The following TACC1 variants were observed in gnomAD, a reference collection of about 807,000 sequenced individuals.
The protein encoded by TACC1 is transforming acidic coiled-coil containing protein 1, also known as transforming acidic coiled-coil-containing protein 1.
TACC1 carries 48 observed loss-of-function variants against 84.4 expected under a neutral mutation model. The ratio of observed to expected loss-of-function variants is 0.57; its 90% confidence interval spans 0.45 to 0.72. The LOEUF (loss-of-function observed/expected upper bound fraction) is 0.72. TACC1 is among the 30% of genes least tolerant of loss of function. The pLI is 0.00. For missense variants in TACC1, 920 were observed against 973.0 expected (o/e 0.95, Z 0.72); for synonymous variants, 372 against 376.3 (o/e 0.99, Z 0.13).
intron 2 of TACC1, among the ~76,000 whole-genome samples, chr8:38,790,279 C>T (rs1818332599): frequency 6.6e-6 from 1 of 152,182 alleles, no homozygotes; most frequent in Non-Finnish European, 1.5e-5. Flanking sequence ...TAGGGCCCAC[C>T]CTAATCCAGT....
rs1281997501 is a variant in TACC1, at chr8:38,819,735, C to T, written c.491C>T (p.Ala164Val). ...ACGAAGGATTCCACGGATATCTCGG[C>T]AGTCCTCGGAACAAAAGCAGCTCAT... Reference protein sequence around the residue: ...IETKDSTDISAVLGTKAAHGC... With the variant: ...IETKDSTDISVVLGTKAAHGC... The change falls in exon 3 of 13, where the codon GCA becomes GTA. Residue 164 changes from alanine to valine, a missense_variant. Transcript: ENST00000317827. 1.9e-6 allele frequency: 3 copies of T among 1,614,008 alleles called. No individual in the cohort carries two copies. The highest frequency in any genetic ancestry group is 2.5e-6 in the Non-Finnish European group (3 of 1,180,054).
At chr8:38,804,431 C>T (rs1822167220) in intron 2 of TACC1, among the ~76,000 whole-genome samples, 1 of 152,136 alleles carries the variant, frequency 6.6e-6, no homozygotes, top group South Asian at 2.1e-4. Context: ...TCCCAAGTAG[C>T]TGGGATTACA....
At chr8:38,785,227 C>A (rs1816905479), upstream of TACC1, among the ~76,000 whole-genome samples, 1 of 152,178 alleles carries the variant, frequency 6.6e-6, no homozygotes, top group Non-Finnish European at 1.5e-5. Context: ...GCAGTTGGTT[C>A]AAGCTAGGCA....
Position 38,787,478 on chromosome 8 carries a change from A to T in TACC1, c.-105A>T. On this transcript the variant is annotated 5_prime_UTR_variant, in exon 1 of 13. Coordinates refer to ENST00000317827, the MANE Select transcript of TACC1 (RefSeq NM_006283.3). ...AACCACATCCGCGCCTCTGCTGGAA[A>T]CGCTTGCTGGCGCCTGTCACCGGTT... 6 of 1,397,506 alleles carry T rather than the reference A, an allele frequency of 4.3e-6. No individual in the cohort carries two copies. Among genetic ancestry groups the T allele is most frequent in the Non-Finnish European group, 5.6e-6 (6 of 1,080,908 alleles). 86.6% of individuals were successfully genotyped at this position (1,397,506 alleles called of 1,614,324 possible).
intron 2 of TACC1, among the ~76,000 whole-genome samples, chr8:38,800,338 A>G (rs1309422742): frequency 6.6e-6 from 1 of 152,164 alleles, no homozygotes; most frequent in Non-Finnish European, 1.5e-5. Flanking sequence ...TTGTACAACT[A>G]TTATCTCAAT....
chr8:38,800,752 C>T lies in TACC1; in HGVS notation c.277+11933C>T, dbSNP rs924189013. Among the ~76,000 whole-genome samples the T allele has an allele frequency of 3.3e-5, 5 of 152,248 alleles. No homozygotes were observed. The South Asian group carries it at 6.2e-4, about 19-fold the overall frequency. ...ATCATGGATTTATGTTTTCATTTCT[C>T]GGGTATATAACTAGGAGTAGAATTG... is the stretch of plus-strand genomic sequence containing the variant. On this transcript the variant is annotated intron_variant, in intron 2 of 12. Coordinates refer to ENST00000317827, the MANE Select transcript of TACC1 (RefSeq NM_006283.3).
chr8:38,769,869 GGTGT>G (rs892594003), intron 3 of TACC1, among the ~76,000 whole-genome samples: 1 of 141,880 alleles, frequency 7.0e-6, no homozygotes, highest in African/African-American at 2.6e-5. Flanking sequence ...GTGACTATGT[GGTGT>G]GTGTGTGAGA....
chr8:38,787,798 C>A (rs1817631668), intron 1 of TACC1, 55 bp downstream of exon 1: 1 of 1,431,410 alleles, frequency 7.0e-7, no homozygotes, highest in Non-Finnish European at 9.2e-7. Context: ...CATCCATCTG[C>A]GACTCCCTCT....
At chr8:38,807,510 A>G (rs1408801259) in intron 2 of TACC1, among the ~76,000 whole-genome samples, 1 of 152,232 alleles carries the variant, frequency 6.6e-6, no homozygotes, top group Non-Finnish European at 1.5e-5. Context: ...ATGTTTTGCC[A>G]TACAGTTAAA....
intron 3 of TACC1, among the ~76,000 whole-genome samples, chr8:38,769,515 G>T (rs1269634939): frequency 2.2e-5 from 3 of 136,332 alleles, no homozygotes; most frequent in Non-Finnish European, 1.6e-5. Context: ...TGTGTGTGGT[G>T]TGTGTATGTA....
chr8:38,745,362 A>T (rs1487596696), exon 3 of TACC1: 14 of 599,256 alleles, frequency 2.3e-5, no homozygotes, highest in Non-Finnish European at 1.2e-5. Context: ...TTCACAACCT[A>T]GCATTCATCA....
chr8:38,759,684 A>G (rs959511922), intron 3 of TACC1, among the ~76,000 whole-genome samples: 4 of 152,236 alleles, frequency 2.6e-5, no homozygotes, highest in African/African-American at 9.6e-5. Context: ...TGAAGCACAT[A>G]AACACATGCA....
rs184426893 is a variant in TACC1 at position 38,842,164 on chromosome 8, C to A, written c.1961-123C>A. 5.3e-6 allele frequency: 6 copies of A among 1,121,662 alleles called. No individual in the cohort carries two copies. In the East Asian group the frequency reaches 1.4e-4, roughly 27 times the overall value. The allele number at this position is 1,121,662 out of a possible 1,614,324, so 69.5% of individuals were successfully genotyped here. The stretch of plus-strand genomic sequence containing the variant: ...GCGTCTCCCCCAACTAGAGTATAAG[C>A]CATAAGAGCGGGAATTTGGTCACAT... On this transcript the variant is annotated intron_variant, in intron 9 of 12. Transcript: ENST00000317827.
chr8:38,803,217 TAGAG>T (rs1821834315), intron 2 of TACC1, among the ~76,000 whole-genome samples: 1 of 152,234 alleles, frequency 6.6e-6, no homozygotes, highest in South Asian at 2.1e-4. Flanking sequence ...CATCTGCAAA[TAGAG>T]ATAGTTTTAC....
At chr8:38,783,134 G>A (rs917680785), upstream of TACC1, among the ~76,000 whole-genome samples, 8 of 137,110 alleles carry the variant, frequency 5.8e-5, no homozygotes, top group African/African-American at 1.4e-4. Context: ...ATATATATAT[G>A]TCCCCCCAGC....
intron 2 of TACC1, among the ~76,000 whole-genome samples, chr8:38,804,537 GT>G (rs1822198570): frequency 6.6e-6 from 1 of 152,176 alleles, no homozygotes; most frequent in Admixed American, 6.5e-5. Context: ...CTGACCTCAG[GT>G]GATCCACCAA....
At chr8:38,742,995 G>T (rs1027485751) in intron 2 of TACC1, among the ~76,000 whole-genome samples, 1 of 152,210 alleles carries the variant, frequency 6.6e-6, no homozygotes, top group Non-Finnish European at 1.5e-5. Flanking sequence ...GATTATAGGC[G>T]TGAGCCACTG....
Position 38,787,314 on chromosome 8 carries a change from G to T in TACC1, c.-269G>T. On this transcript the variant is annotated 5_prime_UTR_variant, in exon 1 of 13. Coordinates refer to ENST00000317827, the MANE Select transcript of TACC1 (RefSeq NM_006283.3). The stretch of plus-strand genomic sequence containing the variant: ...GGCCGGGGGCCTGAGGAGGCCACAG[G>T]ACGGGCGTCTTCCCGGCTAGTGGAG... 1 of 1,233,618 alleles carries T rather than the reference G, an allele frequency of 8.1e-7. No homozygotes were observed. The highest frequency in any genetic ancestry group is 1.0e-6 in the Non-Finnish European group (1 of 985,838). 76.4% of individuals were successfully genotyped at this position (1,233,618 alleles called of 1,614,324 possible).
rs1202909755 is a variant in TACC1 at position 38,840,217 on chromosome 8, C to A, written c.1917-7C>A. The A allele has an allele frequency of 1.2e-6, 2 of 1,603,666 alleles. No homozygotes were observed. Among genetic ancestry groups the A allele is most frequent in the South Asian group, 1.1e-5 (1 of 89,584 alleles). On this transcript the variant is annotated splice_region_variant and splice_polypyrimidine_tract_variant and intron_variant, in intron 8 of 12. Transcript: ENST00000317827. ...CTCTGGTAATAAGTTCTTTTTTTCT[C>A]ATTTAGGAAAATTGTAGCTGAATAT... is the stretch of plus-strand genomic sequence containing the variant.
Sources: gnomAD v4.1 joint callset for allele counts (sites outside exome capture counted in the v4.1 genomes callset) on GRCh38, gnomAD v4.1.1 for gene constraint, MANE v1.5 for transcripts, NCBI Gene and HGNC (gene_info 2026-07-23, HGNC 2026-07-21) for gene names.